WBP2: variants seen among roughly 807,000 people sequenced by gnomAD.
WBP2 encodes WW domain-binding protein 2.
WBP2 carries 23 observed loss-of-function variants against 33.0 expected under a neutral mutation model. That is an observed-to-expected ratio of 0.70 (90% CI 0.50 to 0.99). The LOEUF is 0.99. Among genes scored for constraint, WBP2 ranks in the 50% least tolerant of loss-of-function variants. The pLI is 0.00. For missense variants in WBP2, 353 were observed against 358.0 expected, an observed-to-expected ratio of 0.99 and a Z score of 0.11; for synonymous variants, 153 against 133.5, an observed-to-expected ratio of 1.15 and a Z score of -1.01.
chr17:75,851,733 C>A (rs1599424460), intron 1 of WBP2, 57 bp from the exon 2 acceptor site: 1 of 1,333,808 alleles, frequency 7.5e-7, no homozygotes, highest in Non-Finnish European at 1.1e-6. Context: ...GCGACGTCAC[C>A]CAGACACTGG....
At chr17:75,847,170 A>T (rs2064998452) in intron 6 of WBP2, 186 bp from the exon 7 acceptor site, 1 of 695,158 alleles carries the variant, frequency 1.4e-6, no homozygotes, top group Admixed American at 2.6e-5. Context: ...GGCCCATCGC[A>T]TGTCTCACCT....
rs948570277 is a variant in WBP2 at position 75,845,955 on chromosome 17, G to C, written c.*779C>G. 3.3e-5 allele frequency: 5 copies of C among 152,530 alleles called. No homozygotes were observed. Among genetic ancestry groups the C allele is most frequent in the African/African-American group, 1.2e-4 (5 of 41,450 alleles). The allele number at this position is 152,530 out of a possible 1,614,324, so 9.4% of individuals were successfully genotyped here. On this transcript the variant is annotated 3_prime_UTR_variant, in exon 8 of 8. Coordinates refer to ENST00000254806, the MANE Select transcript of WBP2 (RefSeq NM_012478.4). ...AGGTCCCGGCCAGCACACAGGGTCAGGGGCCCTTGTTCCCGGCCCCACCCA... is the reference window on the plus strand; with the variant it reads ...AGGTCCCGGCCAGCACACAGGGTCACGGGCCCTTGTTCCCGGCCCCACCCA...
chr17:75,846,701 A>G lies in WBP2; in HGVS notation c.*33T>C. The G allele has an allele frequency of 3.3e-6, 5 of 1,506,440 alleles. No homozygotes were observed. The highest frequency in any genetic ancestry group is 4.4e-6 in the Non-Finnish European group (5 of 1,123,612). 93.3% of individuals were successfully genotyped at this position (1,506,440 alleles called of 1,614,324 possible). ...CCCCGATGGGAGGGGTAGGGTAGAG[A>G]GATGAGGGTGGGAGGCAGGGAGGCA... On this transcript the variant is annotated 3_prime_UTR_variant, in exon 8 of 8. Coordinates refer to ENST00000254806, the MANE Select transcript of WBP2 (RefSeq NM_012478.4). The surrounding 1 kb of genome is among the most constrained non-coding windows in gnomAD (Gnocchi z 4.8).
At chr17:75,853,341 C>T (rs984744304) in intron 1 of WBP2, among the ~76,000 whole-genome samples, 2 of 152,192 alleles carry the variant, frequency 1.3e-5, no homozygotes, top group African/African-American at 4.8e-5. Flanking sequence ...CCACCATGCC[C>T]AGCCTAATTA....
rs536050054 is a variant in WBP2 at position 75,846,569 on chromosome 17, G to A, written c.*165C>T. 103 of 928,254 alleles carry A rather than the reference G, an allele frequency of 1.1e-4. No individual in the cohort carries two copies. The East Asian group carries it at 1.4e-3, about 12-fold the overall frequency. 57.5% of individuals were successfully genotyped at this position (928,254 alleles called of 1,614,324 possible). A position where few individuals can be genotyped will look rare whatever the true frequency, so the allele number is the denominator to read the frequency against. On this transcript the variant is annotated 3_prime_UTR_variant, in exon 8 of 8. Coordinates refer to ENST00000254806, the MANE Select transcript of WBP2 (RefSeq NM_012478.4). The surrounding 1 kb of genome is among the most constrained non-coding windows in gnomAD (Gnocchi z 4.8). ...TGGGAAGCTGGGCGGCACCTCTCCC[G>A]AGGCCGGGGGCCCTAATGTCCCACA...
Position 75,851,577 on chromosome 17 carries a change from G to A in WBP2, c.159C>T (p.Thr53=). 1 of 1,612,934 alleles carries A rather than the reference G, an allele frequency of 6.2e-7. No individual in the cohort carries two copies. The highest frequency in any genetic ancestry group is 1.1e-5 in the South Asian group (1 of 91,050). Residue 53 remains threonine, a synonymous_variant, in exon 2 of 8, where the codon ACC becomes ACT. Transcript: ENST00000254806. ...KGTKKGTVYL[T]PYRVIFLSKG... is the part of the protein sequence containing the mutation. ...CTGCTGTGCAACTCACCCGGTAAGG[G>A]GTAAGGTAGACAGTGCCTTTCTTGG...
At chr17:75,852,172 A>G (rs913576970) in intron 1 of WBP2, 11 of 154,796 alleles carry the variant, frequency 7.1e-5, no homozygotes, top group Admixed American at 3.1e-4. Flanking sequence ...TAATCCCAGC[A>G]CTTTGGGAGG....
intron 1 of WBP2, among the ~76,000 whole-genome samples, chr17:75,854,642 C>T (rs1248693706): frequency 6.6e-6 from 1 of 152,132 alleles, no homozygotes; most frequent in African/African-American, 2.4e-5. Context: ...AGTTTTTTAC[C>T]GGGAACCTGA....
chr17:75,850,276 T>A (rs1479116959), intron 2 of WBP2, among the ~76,000 whole-genome samples: 1 of 151,816 alleles, frequency 6.6e-6, no homozygotes, highest in Non-Finnish European at 1.5e-5. Context: ...GATGGAGTCT[T>A]ACTCTGTTGC....
In WBP2 at chr17:75,846,667, C is replaced by T. The variant is rs748341225; in HGVS notation, c.*67G>A. ...AGGCGCCCCCTCCCCTCCCCAAGCC[C>T]CAGCACAGCCCCGATGGGAGGGGTA... On this transcript the variant is annotated 3_prime_UTR_variant, in exon 8 of 8. Coordinates refer to ENST00000254806, the MANE Select transcript of WBP2 (RefSeq NM_012478.4). This position sits in a 1 kb window ranked among gnomAD's most constrained non-coding sequence, Gnocchi z 4.8. 1.6e-5 allele frequency: 24 copies of T among 1,496,072 alleles called. No homozygotes were observed. The South Asian group carries it at 3.1e-4, about 19-fold the overall frequency. 92.7% of individuals were successfully genotyped at this position (1,496,072 alleles called of 1,614,324 possible).
intron 3 of WBP2, chr17:75,849,112 G>A: frequency 4.4e-6 from 1 of 229,150 alleles, no homozygotes; most frequent in Non-Finnish European, 8.7e-6. Flanking sequence ...CCTGGCTTCT[G>A]CCCAAAGGGG....
Position 75,847,501 on chromosome 17 carries a change from G to T in WBP2, c.641C>A (p.Pro214His). 6.3e-7 allele frequency: 1 copy of T among 1,591,202 alleles called. No homozygotes were observed. The highest frequency in any genetic ancestry group is 8.6e-7 in the Non-Finnish European group (1 of 1,168,798). The change falls in exon 6 of 8, where the codon CCC becomes CAC. Residue 214 changes from proline to histidine, a missense_variant. By Grantham distance (77) the Pro-to-His change is moderately conservative. Coordinates refer to ENST00000254806, the MANE Select transcript of WBP2 (RefSeq NM_012478.4). ...MEPPVSGPDVPSTPAAEAKAA... is the reference protein window; with the variant it reads ...MEPPVSGPDVHSTPAAEAKAA... ...AGGGCCCTCACCTGCAGGAGTGGAGGGGACATCGGGGCCGCTGACCGGAGG... is the reference window on the plus strand; with the variant it reads ...AGGGCCCTCACCTGCAGGAGTGGAGTGGACATCGGGGCCGCTGACCGGAGG...
chr17:75,847,316 G>T, intron 6 of WBP2, 171 bp downstream of exon 6: 1 of 1,135,862 alleles, frequency 8.8e-7, no homozygotes, highest in Non-Finnish European at 1.3e-6. Context: ...GGTGGGGCCA[G>T]AATCTAGCTC....
Position 75,848,571 on chromosome 17 carries a change from T to A in WBP2, c.396A>T (p.Gln132His), listed in dbSNP as rs2065009340. ...CCCTAATCTTCGGAGCCTGGATACCTTGAGATGCCACCTGGAGCATCCGCT... is the reference window on the plus strand; with the variant it reads ...CCCTAATCTTCGGAGCCTGGATACCATGAGATGCCACCTGGAGCATCCGCT... Reference protein sequence around the residue: ...FGQRMLQVASQASRGEVPSGA... With the variant: ...FGQRMLQVASHASRGEVPSGA... The change falls in exon 4 of 8, where the codon CAA becomes CAT. Residue 132 changes from glutamine (Q) to histidine (H), a missense_variant and splice_region_variant. Gln to His is a conservative substitution (Grantham distance 24). Transcript: ENST00000254806. The A allele has an allele frequency of 1.2e-6, 2 of 1,613,598 alleles. No individual in the cohort carries two copies. Among genetic ancestry groups the A allele is most frequent in the Non-Finnish European group, 1.7e-6 (2 of 1,179,772 alleles).
At chr17:75,854,069 A>AG (rs1567828418) in intron 1 of WBP2, among the ~76,000 whole-genome samples, 2 of 148,104 alleles carry the variant, frequency 1.4e-5, no homozygotes, top group African/African-American at 5.1e-5. Context: ...AAAAAAAAAA[A>AG]AAGAGAAGAG....
chr17:75,849,334 G>C (rs1599422317), intron 3 of WBP2: 1 of 375,770 alleles, frequency 2.7e-6, no homozygotes, highest in Non-Finnish European at 4.8e-6. Flanking sequence ...ATTTGTATGC[G>C]CTCGCCAAGT....
At chr17:75,851,272 T>C (rs569387577) in intron 2 of WBP2, 2 of 289,692 alleles carry the variant, frequency 6.9e-6, no homozygotes, top group African/African-American at 2.1e-5. Flanking sequence ...AATAATAGTC[T>C]GGCCTCCAGG....
chr17:75,854,738 C>T (rs58363746), intron 1 of WBP2, among the ~76,000 whole-genome samples: 48,350 of 152,122 alleles, frequency 0.32, 10,257 homozygotes, highest in African/African-American at 0.6. Context: ...GGAATTACCA[C>T]CTCTGTTACT....
chr17:75,853,510 T>C (rs751696745), intron 1 of WBP2, among the ~76,000 whole-genome samples: 1 of 152,044 alleles, frequency 6.6e-6, no homozygotes, highest in Non-Finnish European at 1.5e-5. Context: ...ATAGATACAT[T>C]CTTGTCTCAG....
Sources: allele counts gnomAD v4.1 joint callset (sites outside exome capture counted in the v4.1 genomes callset), GRCh38; gene constraint gnomAD v4.1.1; non-coding constraint Gnocchi (gnomAD v3.1); transcripts MANE v1.5; gene names NCBI Gene and HGNC (gene_info 2026-07-23, HGNC 2026-07-21).